Variants in SGCD observed in about 807,000 individuals in gnomAD.
SGCD encodes the protein sarcoglycan delta, also known as delta-sarcoglycan.
Under a neutral mutation model 36.6 loss-of-function variants are expected in SGCD, and 18 were observed. The ratio of observed to expected loss-of-function variants is 0.49; its 90% confidence interval spans 0.34 to 0.73. SGCD has a LOEUF of 0.73. Among genes scored for constraint, SGCD ranks in the 30% least tolerant of loss-of-function variants. The pLI is 0.01. For synonymous variants in SGCD, 133 were observed against 130.6 expected (o/e 1.02, Z -0.12); for missense variants, 387 against 346.7 (o/e 1.12, Z -0.92).
chr5:156,184,184 A>C (rs1038572728), intron 3 of SGCD, among the ~76,000 whole-genome samples: 1 of 152,156 alleles, frequency 6.6e-6, no homozygotes, highest in Non-Finnish European at 1.5e-5. Flanking sequence ...AAAGTGAAAA[A>C]CATGATAGTA....
chr5:155,792,433 C>CAAAAAAAAAAAAAA, the SGCD span, among the ~76,000 whole-genome samples: 1 of 92,356 alleles, frequency 1.1e-5, no homozygotes, highest in Non-Finnish European at 2.1e-5. Context: ...TTCTACATAG[C>CAAAAAAAAAAAAAA]AAAAAAAAAA....
chr5:156,530,734 C>T (rs1217184601), intron 4 of SGCD, among the ~76,000 whole-genome samples: 2 of 152,082 alleles, frequency 1.3e-5, no homozygotes, highest in Non-Finnish European at 2.9e-5. Flanking sequence ...CATGCACCAC[C>T]GTGCCCAGCT....
intron 3 of SGCD, among the ~76,000 whole-genome samples, chr5:156,389,210 A>G (rs1002794625): frequency 6.6e-6 from 1 of 152,190 alleles, no homozygotes; most frequent in Non-Finnish European, 1.5e-5. Context: ...GAACCTTAAC[A>G]ATTGTATATT....
intron 1 of SGCD, among the ~76,000 whole-genome samples, chr5:156,079,050 T>A (rs1760878366): frequency 6.7e-6 from 1 of 150,274 alleles, no homozygotes; most frequent in Non-Finnish European, 1.5e-5. Flanking sequence ...AAAGTTTAAT[T>A]GGCTCACAGT....
intron 3 of SGCD, among the ~76,000 whole-genome samples, chr5:156,305,351 A>G (rs541936047): frequency 3.9e-5 from 6 of 152,296 alleles, no homozygotes; most frequent in African/African-American, 1.4e-4. Flanking sequence ...AGGGGCCAAC[A>G]TAGAGCTTGG....
At chr5:156,657,668 C>G (rs1301829973) in intron 7 of SGCD, among the ~76,000 whole-genome samples, 1 of 152,066 alleles carries the variant, frequency 6.6e-6, no homozygotes, top group African/African-American at 2.4e-5. Context: ...GAGGCTGAGG[C>G]AGGAGAATCA....
chr5:156,286,909 G>A (rs10071376), intron 3 of SGCD, among the ~76,000 whole-genome samples: 6,224 of 151,982 alleles, frequency 0.041, 372 homozygotes, highest in African/African-American at 0.13. Context: ...AGGGAAATTT[G>A]GCATAGGATG....
chr5:156,472,023 TA>T (rs1754993241), intron 3 of SGCD, among the ~76,000 whole-genome samples: 1 of 152,160 alleles, frequency 6.6e-6, no homozygotes, highest in South Asian at 2.1e-4. Flanking sequence ...TCAACATCAT[TA>T]CTCATTAGGG....
chr5:156,648,289 C>A (rs1027077236), intron 7 of SGCD, among the ~76,000 whole-genome samples: 1 of 143,496 alleles, frequency 7.0e-6, no homozygotes, highest in Admixed American at 6.9e-5. Flanking sequence ...TCTGGTAGTT[C>A]TTTTACCTAA....
At chr5:156,049,522 C>T (rs1196334516) in intron 1 of SGCD, among the ~76,000 whole-genome samples, 1 of 145,844 alleles carries the variant, frequency 6.9e-6, no homozygotes, top group African/African-American at 2.5e-5. Context: ...TTGTAGTTCT[C>T]CTTGAAGAGC....
chr5:156,391,136 TG>T (rs1193117975), intron 3 of SGCD, among the ~76,000 whole-genome samples: 1 of 152,224 alleles, frequency 6.6e-6, no homozygotes, highest in African/African-American at 2.4e-5. Flanking sequence ...TTAAATCTTT[TG>T]TACCATATTT....
intron 3 of SGCD, among the ~76,000 whole-genome samples, chr5:156,167,164 A>C (rs539199972): frequency 6.6e-6 from 1 of 152,146 alleles, no homozygotes; most frequent in South Asian, 2.1e-4. Flanking sequence ...TTCATTTCAG[A>C]GGTGCCCTCT....
chr5:155,812,767 G>T, the SGCD span, among the ~76,000 whole-genome samples: 2 of 152,106 alleles, frequency 1.3e-5, no homozygotes, highest in South Asian at 2.1e-4. Flanking sequence ...TTATTTGGGG[G>T]TATTCACAAA....
intron 3 of SGCD, among the ~76,000 whole-genome samples, chr5:156,350,159 T>C (rs1224504951): frequency 6.7e-6 from 1 of 150,186 alleles, no homozygotes; most frequent in Non-Finnish European, 1.5e-5. Flanking sequence ...CGGTGGTGGG[T>C]ACACTAAAAT....
chr5:156,733,803 C>T (rs1032200981), intron 7 of SGCD, among the ~76,000 whole-genome samples: 1 of 152,146 alleles, frequency 6.6e-6, no homozygotes, highest in Non-Finnish European at 1.5e-5. Context: ...ACTAAGATTA[C>T]AACCCCTGCT....
the SGCD span, among the ~76,000 whole-genome samples, chr5:155,732,249 G>A: frequency 6.6e-6 from 1 of 152,212 alleles, no homozygotes; most frequent in African/African-American, 2.4e-5. Flanking sequence ...CATTTTAGCT[G>A]AGGAAACTGA....
intron 2 of SGCD, among the ~76,000 whole-genome samples, chr5:156,337,523 C>T (rs1248022619): frequency 1.3e-5 from 2 of 152,172 alleles, no homozygotes; most frequent in African/African-American, 2.4e-5. Flanking sequence ...TTCTTCAGGC[C>T]GTAGTGCTTG....
intron 4 of SGCD, among the ~76,000 whole-genome samples, chr5:156,545,507 G>C (rs1758535867): frequency 6.6e-6 from 1 of 152,044 alleles, no homozygotes; most frequent in Admixed American, 6.6e-5. Flanking sequence ...GTTGGGGATG[G>C]TTTCAGAATG....
chr5:155,735,730 G>A, the SGCD span, among the ~76,000 whole-genome samples: 3 of 152,336 alleles, frequency 2.0e-5, no homozygotes, highest in South Asian at 6.2e-4. Flanking sequence ...AAGCAGACCT[G>A]AAATTATTTA....
Sources: allele counts gnomAD v4.1 joint callset (sites outside exome capture counted in the v4.1 genomes callset), GRCh38; gene constraint gnomAD v4.1.1; transcripts MANE v1.5; gene names NCBI Gene and HGNC (gene_info 2026-07-23, HGNC 2026-07-21).